The following DMD variants were observed in gnomAD, a reference collection of about 807,000 sequenced individuals.
The protein encoded by DMD is mutant dystrophin.
DMD carries 63 observed loss-of-function variants against 330.1 expected under a neutral mutation model. The observed-to-expected ratio is 0.19, with a 90% confidence interval of 0.16 to 0.24. The LOEUF (loss-of-function observed/expected upper bound fraction) is 0.24. Among genes scored for constraint, DMD ranks in the 10% least tolerant of loss-of-function variants. The probability of loss-of-function intolerance (pLI) is 1.00; values close to 1 mark genes in which losing one functional copy is unlikely to be tolerated. For missense variants in DMD, 3,344 were observed against 2,684.1 expected, an observed-to-expected ratio of 1.25 and a Z score of -5.43; for synonymous variants, 1,223 against 959.8, an observed-to-expected ratio of 1.27 and a Z score of -5.07.
intron 44 of DMD, among the ~76,000 whole-genome samples, chrX:32,131,271 AC>A (rs1326067708): frequency 8.9e-6 from 1 of 112,334 alleles, no homozygotes; most frequent in Non-Finnish European, 1.9e-5. Flanking sequence ...GAGAGTAAGA[AC>A]TTTTTGCTTC....
At chrX:32,449,567 G>A (rs2098320972) in intron 26 of DMD, among the ~76,000 whole-genome samples, 1 of 105,655 alleles carries the variant, frequency 9.5e-6, no homozygotes, top group South Asian at 4.2e-4. Context: ...CCTAACACAA[G>A]CACAAATCCT....
chrX:32,221,427 C>T (rs2097131580), intron 43 of DMD, among the ~76,000 whole-genome samples: 1 of 111,464 alleles, frequency 9.0e-6, no homozygotes, highest in Non-Finnish European at 1.9e-5. Flanking sequence ...CCAAGTAATA[C>T]AAATATTTAG....
Position 32,153,374 on chromosome X carries a change from A to C in DMD, c.6438+63542T>G, listed in dbSNP as rs190025462. Among the ~76,000 whole-genome samples the C allele has an allele frequency of 1.5e-3, 166 of 111,408 alleles. 2 individuals carry two copies. The highest frequency in any genetic ancestry group is 3.8e-4 in the Non-Finnish European group (20 of 53,080). On this transcript the variant is annotated intron_variant, in intron 44 of 78. Coordinates refer to ENST00000357033, the MANE Select transcript of DMD (RefSeq NM_004006.3). ...TGCAAACATTCCAGTACTGCAGATA[A>C]TATACAGGGGTACACAGGTTTGAAG...
rs755110624 is a variant in DMD at position 31,986,762 on chromosome X, A to G, written c.6439-18248T>C. Among the ~76,000 whole-genome samples, 79 of 112,347 alleles carry G rather than the reference A, an allele frequency of 7.0e-4. 1 individual carries two copies. Among genetic ancestry groups the G allele is most frequent in the African/African-American group, 2.4e-3 (75 of 30,944 alleles). ...TCAAACTTTTCTACACTGAGCTTTA[A>G]AAAGTATAAGCAAAAATGAAAAACA... On this transcript the variant is annotated intron_variant, in intron 44 of 78. Coordinates refer to ENST00000357033, the MANE Select transcript of DMD (RefSeq NM_004006.3).
chrX:31,311,548 T>C (rs113308178), intron 62 of DMD, among the ~76,000 whole-genome samples: 6,899 of 111,615 alleles, frequency 0.062, 557 homozygotes, highest in African/African-American at 0.21. Flanking sequence ...TTGGTTACTG[T>C]AGCCTTGTAG....
At chrX:32,866,729 G>GT (rs2082519620) in intron 2 of DMD, among the ~76,000 whole-genome samples, 4 of 31,490 alleles carry the variant, frequency 1.3e-4, no homozygotes, top group Admixed American at 3.1e-4. Context: ...TTTTTTGGGG[G>GT]GGGGTGGGGG....
intron 44 of DMD, 72 bp downstream of exon 44, chrX:32,216,844 T>A (rs1447528109): frequency 1.0e-6 from 1 of 1,001,492 alleles, no homozygotes; most frequent in Non-Finnish European, 1.4e-6. Flanking sequence ...CAGAACCTGA[T>A]CTTTAAGAAG....
intron 13 of DMD, among the ~76,000 whole-genome samples, chrX:32,579,372 G>A (rs766309799): frequency 8.9e-6 from 1 of 112,197 alleles, no homozygotes; most frequent in Non-Finnish European, 1.9e-5. Context: ...GCAGGTTACA[G>A]ATGAGGAAAC....
intron 9 of DMD, among the ~76,000 whole-genome samples, chrX:32,691,778 G>A (rs1394078442): frequency 9.0e-6 from 1 of 111,017 alleles, no homozygotes; most frequent in Non-Finnish European, 1.9e-5. Context: ...GATGGATGAG[G>A]GGATAAAGAA....
intron 50 of DMD, among the ~76,000 whole-genome samples, chrX:31,787,905 A>C (rs1238864713): frequency 8.9e-6 from 1 of 112,178 alleles, no homozygotes; most frequent in South Asian, 3.7e-4. Context: ...AACAGGTAAC[A>C]CTTACGTAGG....
At chrX:32,730,209 T>C (rs145210827) in intron 7 of DMD, among the ~76,000 whole-genome samples, 100 of 112,278 alleles carry the variant, frequency 8.9e-4, no homozygotes, top group African/African-American at 3.1e-3. Context: ...ACCTCTGCAT[T>C]GTGTTGTACA....
chrX:32,173,123 AT>A (rs1603627614), intron 44 of DMD, among the ~76,000 whole-genome samples: 1 of 95,152 alleles, frequency 1.1e-5, no homozygotes, highest in Non-Finnish European at 2.0e-5. Context: ...GTACTTTTAC[AT>A]TTTCAGCAGC....
intron 74 of DMD, among the ~76,000 whole-genome samples, chrX:31,154,093 G>C (rs190814488): frequency 2.9e-4 from 32 of 111,070 alleles, no homozygotes; most frequent in African/African-American, 9.5e-4. Context: ...TTAGGGGTTG[G>C]GAAATTGAGC....
chrX:32,345,427 T>C (rs1053665341), intron 39 of DMD, among the ~76,000 whole-genome samples: 1 of 111,479 alleles, frequency 9.0e-6, no homozygotes, highest in African/African-American at 3.3e-5. Flanking sequence ...CCTACATAAA[T>C]GAAATTTGAC....
chrX:33,166,657 G>C (rs1224214237), intron 1 of DMD, among the ~76,000 whole-genome samples: 13 of 110,470 alleles, frequency 1.2e-4, no homozygotes, highest in Non-Finnish European at 1.7e-4. Flanking sequence ...TTAAAACATT[G>C]CTTCTTCTAT....
At chrX:32,425,553 C>A (rs1402478773) in intron 29 of DMD, among the ~76,000 whole-genome samples, 3 of 111,647 alleles carry the variant, frequency 2.7e-5, no homozygotes, top group Non-Finnish European at 5.6e-5. Flanking sequence ...CAGTTACTGG[C>A]CTTTCTTTCT....
intron 51 of DMD, among the ~76,000 whole-genome samples, chrX:31,739,495 G>A (rs193044223): frequency 9.0e-6 from 1 of 110,592 alleles, no homozygotes; most frequent in Non-Finnish European, 1.9e-5. Context: ...TGATATTTTG[G>A]GGAGTTAAAA....
intron 1 of DMD, among the ~76,000 whole-genome samples, chrX:33,274,231 C>G (rs1187068328): frequency 8.9e-6 from 1 of 112,032 alleles, no homozygotes. Context: ...GTTCATATTT[C>G]TTAAACACAT....
At chrX:31,873,025 T>C (rs1002556690) in intron 48 of DMD, among the ~76,000 whole-genome samples, 1 of 111,259 alleles carries the variant, frequency 9.0e-6, no homozygotes, top group African/African-American at 3.3e-5. Flanking sequence ...AAATTCAGGG[T>C]GATGGGACAT....
Sources: gnomAD v4.1 joint callset for allele counts (sites outside exome capture counted in the v4.1 genomes callset) on GRCh38, gnomAD v4.1.1 for gene constraint, MANE v1.5 for transcripts, NCBI Gene and HGNC (gene_info 2026-07-23, HGNC 2026-07-21) for gene names.